The following CSMD3 variants were observed in gnomAD, a reference collection of about 807,000 sequenced individuals.
CSMD3 encodes CUB and Sushi multiple domains 3.
CSMD3 carries 177 observed loss-of-function variants against 435.2 expected under a neutral mutation model. That is an observed-to-expected ratio of 0.41 (90% CI 0.36 to 0.46). The LOEUF (loss-of-function observed/expected upper bound fraction) is 0.46, where lower values mean the gene tolerates loss of function less well. CSMD3 is among the 20% of genes least tolerant of loss of function. The pLI is 0.34. For missense variants in CSMD3, 4,265 were observed against 4,504.6 expected (o/e 0.95, Z 1.52); for synonymous variants, 1,656 against 1,520.5 (o/e 1.09, Z -2.07).
At chr8:112,575,002 T>C (rs749794557) in intron 23 of CSMD3, among the ~76,000 whole-genome samples, 9 of 151,968 alleles carry the variant, frequency 5.9e-5, no homozygotes, top group East Asian at 1.9e-4. Context: ...CAATGGAATG[T>C]TTTATTATTA....
intron 2 of CSMD3, among the ~76,000 whole-genome samples, chr8:113,303,918 T>C (rs1043790581): frequency 1.4e-5 from 2 of 137,988 alleles, no homozygotes; most frequent in African/African-American, 5.2e-5. Context: ...AAATGGGATC[T>C]AATTAAACTA....
At chr8:112,441,422 A>T (rs1310335718) in intron 32 of CSMD3, among the ~76,000 whole-genome samples, 1 of 152,028 alleles carries the variant, frequency 6.6e-6, no homozygotes, top group Non-Finnish European at 1.5e-5. Flanking sequence ...ACTTTCCCAC[A>T]TTGTCCTGTC....
intron 1 of CSMD3, chr8:113,376,535 C>T (rs967958758): frequency 1.7e-6 from 1 of 573,534 alleles, no homozygotes; most frequent in Admixed American, 3.0e-5. Context: ...TCTGTCTTTT[C>T]TGTATTATTT....
intron 1 of CSMD3, among the ~76,000 whole-genome samples, chr8:113,329,519 C>T (rs1158418572): frequency 6.6e-6 from 1 of 151,934 alleles, no homozygotes; most frequent in African/African-American, 2.4e-5. Flanking sequence ...ATTACACATA[C>T]CAAGATCTGC....
intron 4 of CSMD3, among the ~76,000 whole-genome samples, chr8:113,144,106 T>C (rs1404482797): frequency 6.7e-6 from 1 of 150,204 alleles, no homozygotes; most frequent in Non-Finnish European, 1.5e-5. Flanking sequence ...TTATTATTTA[T>C]TATATAATTA....
At chr8:113,146,141 T>A (rs2091667756) in intron 4 of CSMD3, among the ~76,000 whole-genome samples, 1 of 151,372 alleles carries the variant, frequency 6.6e-6, no homozygotes, top group Admixed American at 6.6e-5. Context: ...TTAACATAAC[T>A]CAAAAATATA....
At chr8:112,783,161 C>G (rs2132253876) in intron 13 of CSMD3, among the ~76,000 whole-genome samples, 1 of 151,800 alleles carries the variant, frequency 6.6e-6, no homozygotes, top group African/African-American at 2.4e-5. Context: ...ATGACATAAA[C>G]AGACATAATA....
Position 112,244,543 on chromosome 8 carries a change from G to C in CSMD3, c.10253C>G (p.Ala3418Gly), listed in dbSNP as rs145249578. ...GTCCATCCCTACGACATTTGCATGA[G>C]CAGGAGTTTCTGGCTGTTTACAGCT... Reference protein sequence around the residue: ...PHSCKQPETPAHANVVGMDLP... With the variant: ...PHSCKQPETPGHANVVGMDLP... The change falls in exon 65 of 71, where the codon GCT becomes GGT. Residue 3418 changes from alanine (A) to glycine (G), a missense_variant. Coordinates refer to ENST00000297405, the MANE Select transcript of CSMD3 (RefSeq NM_198123.2). The C allele has an allele frequency of 6.2e-7, 1 of 1,613,820 alleles. No individual in the cohort carries two copies. Among genetic ancestry groups the C allele is most frequent in the South Asian group, 1.1e-5 (1 of 91,086 alleles).
intron 25 of CSMD3, among the ~76,000 whole-genome samples, chr8:112,553,783 A>G (rs1318060238): frequency 6.6e-6 from 1 of 152,066 alleles, no homozygotes; most frequent in Non-Finnish European, 1.5e-5. Flanking sequence ...AAGAGACCTG[A>G]TAACACTAGA....
chr8:112,682,065 T>G (rs1252505197), intron 16 of CSMD3, among the ~76,000 whole-genome samples: 1 of 152,094 alleles, frequency 6.6e-6, no homozygotes, highest in African/African-American at 2.4e-5. Context: ...TATTAACACA[T>G]TTTTGAAAAT....
intron 3 of CSMD3, among the ~76,000 whole-genome samples, chr8:113,180,511 A>C (rs923498038): frequency 1.3e-5 from 2 of 152,014 alleles, no homozygotes; most frequent in African/African-American, 4.8e-5. Flanking sequence ...CCAGATTTTG[A>C]GCATCTTGAG....
rs571514819 is a variant in CSMD3 at position 112,277,310 on chromosome 8, C to A, written c.9508+3864G>T. Among the ~76,000 whole-genome samples the A allele has an allele frequency of 1.1e-3, 163 of 152,274 alleles. 1 individual carries two copies. The highest frequency in any genetic ancestry group is 6.8e-3 in the Middle Eastern group (2 of 294). On this transcript the variant is annotated intron_variant, in intron 59 of 70. Coordinates refer to ENST00000297405, the MANE Select transcript of CSMD3 (RefSeq NM_198123.2). Reference sequence around the variant, plus strand: ...CATCTCCCTCAAGTTCAAAGTTCCACAAATCTCTAGGGCAAGGGCAAAATG... The same window carrying A: ...CATCTCCCTCAAGTTCAAAGTTCCAAAAATCTCTAGGGCAAGGGCAAAATG...
chr8:112,542,150 G>A lies in CSMD3; in HGVS notation c.4564+8521C>T, dbSNP rs773216148. On this transcript the variant is annotated intron_variant, in intron 27 of 70. Transcript: ENST00000297405. ...ATATTAGGAATAGAAGAAGAAAAAT[G>A]TTTCAACATTATAAAGGCCATATAT... Among the ~76,000 whole-genome samples the A allele has an allele frequency of 1.3e-5, 2 of 149,848 alleles. 1 individual carries two copies. Among genetic ancestry groups the A allele is most frequent in the Admixed American group, 1.3e-4 (2 of 14,914 alleles).
At chr8:112,858,607 C>T (rs1730953356) in intron 11 of CSMD3, among the ~76,000 whole-genome samples, 1 of 151,746 alleles carries the variant, frequency 6.6e-6, no homozygotes, top group Non-Finnish European at 1.5e-5. Context: ...GGTATAGTGG[C>T]ACATACATAT....
chr8:112,943,738 G>GTA (rs1266531509), intron 9 of CSMD3, among the ~76,000 whole-genome samples: 1 of 151,408 alleles, frequency 6.6e-6, no homozygotes, highest in African/African-American at 2.4e-5. Context: ...TACATACAAA[G>GTA]TTCTTTTTCC....
intron 8 of CSMD3, among the ~76,000 whole-genome samples, chr8:112,949,593 A>G (rs1286709854): frequency 3.9e-5 from 6 of 152,024 alleles, no homozygotes; most frequent in Non-Finnish European, 7.4e-5. Context: ...ATTATCTACC[A>G]AACTTTCCAT....
intron 7 of CSMD3, among the ~76,000 whole-genome samples, chr8:112,969,625 T>C (rs1324467881): frequency 2.6e-5 from 4 of 152,014 alleles, no homozygotes; most frequent in Non-Finnish European, 4.4e-5. Flanking sequence ...TAAGATGTTG[T>C]AGTTATCTAA....
At chr8:112,476,275 A>T (rs1183773498) in intron 31 of CSMD3, among the ~76,000 whole-genome samples, 1 of 152,200 alleles carries the variant, frequency 6.6e-6, no homozygotes, top group East Asian at 1.9e-4. Flanking sequence ...TGAACTCCTG[A>T]CCTCAGGTTA....
At chr8:112,777,444 G>T (rs1447745686) in intron 13 of CSMD3, among the ~76,000 whole-genome samples, 1 of 151,696 alleles carries the variant, frequency 6.6e-6, no homozygotes, top group African/African-American at 2.4e-5. Context: ...ATAAGTATTA[G>T]TTGTTGATGA....
Sources: gnomAD v4.1 joint callset for allele counts (sites outside exome capture counted in the v4.1 genomes callset) on GRCh38, gnomAD v4.1.1 for gene constraint, MANE v1.5 for transcripts, NCBI Gene and HGNC (gene_info 2026-07-23, HGNC 2026-07-21) for gene names.